Variants in UBE2V2 observed in about 807,000 individuals in gnomAD.
The protein encoded by UBE2V2 is ubiquitin conjugating enzyme E2 V2, also known as ubiquitin-conjugating enzyme E2 variant 2.
A neutral mutation model predicts 17.2 loss-of-function variants in UBE2V2; 9 were observed. The ratio of observed to expected loss-of-function variants is 0.52; its 90% CI spans 0.32 to 0.91. The LOEUF is 0.91. Ranked by LOEUF, UBE2V2 falls within the 40% of genes least tolerant of loss-of-function variation. The probability of loss-of-function intolerance (pLI) is 0.04; values close to 1 mark genes in which losing one functional copy is unlikely to be tolerated. For synonymous variants in UBE2V2, 61 were observed against 57.5 expected, an observed-to-expected ratio of 1.06 and a Z score of -0.28; for missense variants, 133 against 182.6, an observed-to-expected ratio of 0.73 and a Z score of 1.56.
At chr8:48,016,316 C>G (rs1043770911) in intron 1 of UBE2V2, among the ~76,000 whole-genome samples, 1 of 152,130 alleles carries the variant, frequency 6.6e-6, no homozygotes, top group South Asian at 2.1e-4. Context: ...TTTTCTTTGG[C>G]TATATATGCA....
intron 2 of UBE2V2, among the ~76,000 whole-genome samples, chr8:48,044,402 GCCTC>G (rs2091484633): frequency 6.6e-6 from 1 of 152,146 alleles, no homozygotes; most frequent in Non-Finnish European, 1.5e-5. Context: ...ACCTGCCTTG[GCCTC>G]CCAAAATGCT....
At chr8:48,041,173 GTT>G (rs1022135692) in intron 1 of UBE2V2, among the ~76,000 whole-genome samples, 10 of 117,344 alleles carry the variant, frequency 8.5e-5, no homozygotes, top group Admixed American at 1.8e-4. Flanking sequence ...CTTTTTTGTT[GTT>G]TTTTTTTTTT....
chr8:48,025,603 CTTTCTTTTTTTTTT>C (rs1314558143), intron 1 of UBE2V2, among the ~76,000 whole-genome samples: 2 of 133,380 alleles, frequency 1.5e-5, no homozygotes, highest in East Asian at 4.7e-4. Context: ...TTTTTTTTTT[CTTTCTTTTTTTTTT>C]GAGATGGAGT....
chr8:48,007,741 C>CT (rs5891259), upstream of UBE2V2, among the ~76,000 whole-genome samples: 1 of 144,286 alleles, frequency 6.9e-6, no homozygotes, highest in Non-Finnish European at 1.5e-5. Context: ...TTCTTTCTTT[C>CT]TTTTTTTTTT....
At chr8:48,011,099 A>G (rs2154506627) in intron 1 of UBE2V2, among the ~76,000 whole-genome samples, 1 of 152,238 alleles carries the variant, frequency 6.6e-6, no homozygotes, top group East Asian at 1.9e-4. Flanking sequence ...GGAAGTAAAT[A>G]GTACCTGTGT....
At chr8:48,034,934 C>G (rs76260121) in intron 1 of UBE2V2, 1 of 804,380 alleles carries the variant, frequency 1.2e-6, no homozygotes, top group Non-Finnish European at 1.5e-6. Flanking sequence ...TGCTCCCCCT[C>G]CCTGCAGCCT....
chr8:48,024,509 C>T (rs1008331392), intron 1 of UBE2V2, among the ~76,000 whole-genome samples: 20 of 151,952 alleles, frequency 1.3e-4, no homozygotes, highest in African/African-American at 4.6e-4. Context: ...GTAGGAGAAT[C>T]GCTTGAACCT....
At chr8:48,029,544 A>G (rs2091369016) in intron 1 of UBE2V2, among the ~76,000 whole-genome samples, 1 of 152,232 alleles carries the variant, frequency 6.6e-6, no homozygotes, top group African/African-American at 2.4e-5. Context: ...GATACCATGC[A>G]TACTGTAAAC....
intron 1 of UBE2V2, among the ~76,000 whole-genome samples, chr8:48,024,736 G>C (rs2091328185): frequency 6.6e-6 from 1 of 152,066 alleles, no homozygotes; most frequent in Non-Finnish European, 1.5e-5. Flanking sequence ...CAAAATACTT[G>C]ATAGAGTCTA....
chr8:48,007,992 G>A (rs1342457478), upstream of UBE2V2, among the ~76,000 whole-genome samples: 1 of 152,082 alleles, frequency 6.6e-6, no homozygotes. Context: ...GCGCAATCGC[G>A]GCTCATTGCC....
At chr8:48,028,141 C>T (rs1226596344) in intron 1 of UBE2V2, among the ~76,000 whole-genome samples, 2 of 152,034 alleles carry the variant, frequency 1.3e-5, no homozygotes, top group Non-Finnish European at 2.9e-5. Flanking sequence ...GCATGAGCCA[C>T]TGTGCCTGGC....
At chr8:48,017,811 T>A (rs1393251292) in intron 1 of UBE2V2, among the ~76,000 whole-genome samples, 2 of 151,968 alleles carry the variant, frequency 1.3e-5, no homozygotes, top group African/African-American at 4.8e-5. Flanking sequence ...TGCCATTGAC[T>A]TTTCTTCCTG....
chr8:48,041,692 A>G (rs933733394), intron 1 of UBE2V2: 3 of 152,196 alleles, frequency 2.0e-5, no homozygotes, highest in Admixed American at 6.5e-5. Context: ...AATACTTTCA[A>G]TTTCAGATAA....
intron 1 of UBE2V2, among the ~76,000 whole-genome samples, chr8:48,028,630 G>T (rs1193800173): frequency 3.3e-5 from 5 of 151,434 alleles, no homozygotes; most frequent in African/African-American, 1.2e-4. Context: ...GAGCCACTGT[G>T]TCCAGACCAA....
intron 2 of UBE2V2, 79 bp downstream of exon 2, chr8:48,043,260 A>G (rs1001153144): frequency 9.0e-7 from 1 of 1,113,160 alleles, no homozygotes; most frequent in African/African-American, 1.6e-5. Context: ...TTGATATTAA[A>G]ATAAGCAATT....
intron 1 of UBE2V2, among the ~76,000 whole-genome samples, chr8:48,013,053 G>T (rs1563847957): frequency 6.6e-6 from 1 of 151,992 alleles, no homozygotes; most frequent in Non-Finnish European, 1.5e-5. Flanking sequence ...CACCATGTTG[G>T]CCAGGCTGGT....
At chr8:48,004,732 T>C (rs2091172700), upstream of UBE2V2, among the ~76,000 whole-genome samples, 1 of 152,074 alleles carries the variant, frequency 6.6e-6, no homozygotes, top group African/African-American at 2.4e-5. Flanking sequence ...GGTTTCACCA[T>C]TTTGGCCAGG....
chr8:48,053,141 C>T lies in UBE2V2; in HGVS notation c.291+3163C>T, dbSNP rs550435728. Among the ~76,000 whole-genome samples the T allele has an allele frequency of 1.8e-4, 27 of 152,264 alleles. No individual in the cohort carries two copies. The South Asian group carries it at 2.9e-3, about 16-fold the overall frequency. Reference sequence around the variant, plus strand: ...CAGACTCCTGACCCGCGTTGGCCTCCCAAAGTGCTGGGATTACAGGCATGA... The same window carrying T: ...CAGACTCCTGACCCGCGTTGGCCTCTCAAAGTGCTGGGATTACAGGCATGA... On this transcript the variant is annotated intron_variant, in intron 3 of 3. Transcript: ENST00000523111.
chr8:48,057,087 G>T (rs1034423073), intron 3 of UBE2V2, among the ~76,000 whole-genome samples: 1 of 151,932 alleles, frequency 6.6e-6, no homozygotes, highest in African/African-American at 2.4e-5. Flanking sequence ...TGGCTATTCT[G>T]GGTTTCTTGC....
Sources: gnomAD v4.1 joint callset for allele counts (sites outside exome capture counted in the v4.1 genomes callset) on GRCh38, gnomAD v4.1.1 for gene constraint, MANE v1.5 for transcripts, NCBI Gene and HGNC (gene_info 2026-07-23, HGNC 2026-07-21) for gene names.